BLTP2: variants seen among roughly 807,000 people sequenced by gnomAD.
BLTP2 encodes the protein bridge-like lipid transfer protein family member 2, also known as U937-associated antigen.
At chr17:28,632,154 C>T in the BLTP2 span, 1 of 1,614,098 alleles carries the variant, frequency 6.2e-7, no homozygotes, top group Non-Finnish European at 8.5e-7. Flanking sequence ...TGCAGATAGG[C>T]CTTGTGACAC....
chr17:28,616,385 C>T, the BLTP2 span: 15 of 1,614,062 alleles, frequency 9.3e-6, no homozygotes, highest in South Asian at 8.8e-5. The surrounding 1 kb of genome is among the most constrained non-coding windows in gnomAD (Gnocchi z 4.8). Context: ...GTACCTCTGG[C>T]GATTTGCGAA....
At chr17:28,623,866 G>A in the BLTP2 span, 5 of 1,614,206 alleles carry the variant, frequency 3.1e-6, no homozygotes, top group East Asian at 4.5e-5. Context: ...TTGCTTCAAT[G>A]TATCACCATA....
the BLTP2 span, chr17:28,617,034 A>G: frequency 2.7e-6 from 4 of 1,494,528 alleles, no homozygotes; most frequent in African/African-American, 5.5e-5. Context: ...GCCCAACCCA[A>G]TGTCCTTCCT....
the BLTP2 span, chr17:28,640,252 G>C: frequency 7.8e-6 from 4 of 515,084 alleles, no homozygotes; most frequent in South Asian, 8.3e-5. Flanking sequence ...AATTAGCCGG[G>C]CGTGGTGGCA....
At chr17:28,639,809 G>C in the BLTP2 span, 5 of 1,518,092 alleles carry the variant, frequency 3.3e-6, no homozygotes, top group Non-Finnish European at 4.6e-6. Context: ...CAGTTACACT[G>C]AGATTAGATT....
At chr17:28,635,811 A>G in the BLTP2 span, 2 of 542,870 alleles carry the variant, frequency 3.7e-6, no homozygotes, top group Non-Finnish European at 6.4e-6. Flanking sequence ...TCTGACATTT[A>G]AGAGCACTTA....
chr17:28,615,563 C>T, the BLTP2 span: 5 of 1,463,614 alleles, frequency 3.4e-6, no homozygotes, highest in Middle Eastern at 1.0e-3. Context: ...CTGCCCCTTC[C>T]CAAGGATATT....
At chr17:28,619,892 G>A in the BLTP2 span, 1 of 1,614,024 alleles carries the variant, frequency 6.2e-7, no homozygotes, top group South Asian at 1.1e-5. Flanking sequence ...TTCTCCAGCT[G>A]TCGTATTTGG....
At chr17:28,638,348 C>G in the BLTP2 span, 1 of 1,613,996 alleles carries the variant, frequency 6.2e-7, no homozygotes, top group African/African-American at 1.3e-5. Flanking sequence ...TGCCCACACG[C>G]CAGCAGAGGT....
chr17:28,643,130 G>C, the BLTP2 span: 1 of 1,613,336 alleles, frequency 6.2e-7, no homozygotes, highest in African/African-American at 1.3e-5. Context: ...CCATGCCAAA[G>C]TACAGTCCAG....
chr17:28,636,854 C>CATGGA, the BLTP2 span: 1 of 863,332 alleles, frequency 1.2e-6, no homozygotes, highest in Non-Finnish European at 1.8e-6. Flanking sequence ...GTCTGGGCAA[C>CATGGA]ATGTGACACT....
the BLTP2 span, chr17:28,624,450 T>A: frequency 6.8e-7 from 1 of 1,477,680 alleles, no homozygotes; most frequent in Non-Finnish European, 9.3e-7. Context: ...ACTTTTCCCT[T>A]TCCAGAGCCA....
At chr17:28,633,771 G>C in the BLTP2 span, 1 of 1,608,744 alleles carries the variant, frequency 6.2e-7, no homozygotes. Context: ...AGGAACAAAG[G>C]CTATAACTTG....
the BLTP2 span, chr17:28,633,479 T>C: frequency 4.4e-6 from 7 of 1,577,544 alleles, no homozygotes; most frequent in African/African-American, 2.7e-5. Flanking sequence ...CCTGTCTCTC[T>C]TCCCACATGT....
At chr17:28,620,481 C>G in the BLTP2 span, 3 of 1,612,616 alleles carry the variant, frequency 1.9e-6, no homozygotes, top group East Asian at 6.7e-5. Context: ...GTGAGGCTAA[C>G]CAGCATTCTA....
At chr17:28,631,536 G>A in the BLTP2 span, 1 of 1,614,172 alleles carries the variant, frequency 6.2e-7, no homozygotes, top group Non-Finnish European at 8.5e-7. Context: ...AGCTCAGCAG[G>A]TGGGTCTTTG....
the BLTP2 span, chr17:28,643,104 A>G: frequency 8.1e-6 from 13 of 1,606,998 alleles, no homozygotes; most frequent in East Asian, 2.2e-5. Context: ...AAATCTACCC[A>G]TAACTCCAAA....
chr17:28,635,003 T>G, the BLTP2 span: 1 of 1,613,148 alleles, frequency 6.2e-7, no homozygotes, highest in Non-Finnish European at 8.5e-7. Flanking sequence ...GGGACAGGGC[T>G]TGGAGAGGCC....
chr17:28,637,863 T>C, the BLTP2 span: 1 of 1,614,130 alleles, frequency 6.2e-7, no homozygotes, highest in Non-Finnish European at 8.5e-7. Flanking sequence ...GTAAACAAGT[T>C]CATGTCTTCG....
Sources: allele counts gnomAD v4.1 joint callset, GRCh38; gene constraint gnomAD v4.1.1; non-coding constraint Gnocchi (gnomAD v3.1); transcripts MANE v1.5; gene names NCBI Gene and HGNC (gene_info 2026-07-23, HGNC 2026-07-21).